The following TMEM132D variants were observed in gnomAD, a reference collection of about 807,000 sequenced individuals.
TMEM132D encodes the protein mature OL transmembrane protein.
TMEM132D carries 21 observed loss-of-function variants against 62.3 expected under a neutral mutation model. That is an observed-to-expected ratio of 0.34 (90% CI 0.24 to 0.49). The LOEUF is 0.49. Among genes scored for constraint, TMEM132D ranks in the 20% least tolerant of loss-of-function variants. The pLI is 0.99. For missense variants in TMEM132D, 1,346 were observed against 1,402.8 expected (o/e 0.96, Z 0.65); for synonymous variants, 621 against 575.6 (o/e 1.08, Z -1.13).
At chr12:129,236,526 A>AAG (rs1272524026) in intron 4 of TMEM132D, among the ~76,000 whole-genome samples, 1 of 147,986 alleles carries the variant, frequency 6.8e-6, no homozygotes, top group Non-Finnish European at 1.5e-5. Context: ...AAAAAAAAAA[A>AAG]AAAAAGAAAA....
At chr12:129,592,071 G>A (rs535361732) in intron 2 of TMEM132D, among the ~76,000 whole-genome samples, 22 of 151,984 alleles carry the variant, frequency 1.4e-4, no homozygotes, top group African/African-American at 5.3e-4. Flanking sequence ...AATCTGATCC[G>A]ATTTCCATTA....
chr12:129,260,641 T>C (rs2135595219), intron 4 of TMEM132D, among the ~76,000 whole-genome samples: 1 of 152,330 alleles, frequency 6.6e-6, no homozygotes, highest in South Asian at 2.1e-4. Flanking sequence ...GTACCCAATA[T>C]GTAGTGTTTG....
chr12:129,298,030 C>T (rs1328050741), intron 4 of TMEM132D, among the ~76,000 whole-genome samples: 5 of 152,088 alleles, frequency 3.3e-5, no homozygotes, highest in South Asian at 2.1e-4. Context: ...GGTGGGGAGA[C>T]ATGGAAACAT....
intron 3 of TMEM132D, among the ~76,000 whole-genome samples, chr12:129,424,659 G>T (rs1419478232): frequency 8.5e-6 from 1 of 118,244 alleles, no homozygotes; most frequent in African/African-American, 3.2e-5. Flanking sequence ...AGTGAGCTGA[G>T]ATCACGCCAC....
chr12:129,707,542 G>A (rs1470142245), intron 1 of TMEM132D, among the ~76,000 whole-genome samples: 1 of 152,064 alleles, frequency 6.6e-6, no homozygotes, highest in African/African-American at 2.4e-5. Context: ...TCTTATTTTT[G>A]TCTGCTTTAT....
At chr12:129,259,901 T>A (rs1291445791) in intron 4 of TMEM132D, among the ~76,000 whole-genome samples, 1 of 152,020 alleles carries the variant, frequency 6.6e-6, no homozygotes, top group African/African-American at 2.4e-5. Flanking sequence ...TTTACTGAGA[T>A]GGGAAAGATG....
At chr12:129,567,419 C>T (rs1194515307) in intron 2 of TMEM132D, among the ~76,000 whole-genome samples, 1 of 152,112 alleles carries the variant, frequency 6.6e-6, no homozygotes, top group Non-Finnish European at 1.5e-5. Flanking sequence ...GAAGCCACCA[C>T]GTGACAAGTT....
intron 2 of TMEM132D, among the ~76,000 whole-genome samples, chr12:129,691,120 G>C (rs116059946): frequency 6.6e-6 from 1 of 151,708 alleles, no homozygotes; most frequent in African/African-American, 2.4e-5. Flanking sequence ...AAAATTTAAA[G>C]TATTTTAAAC....
At chr12:129,132,567 A>G (rs561761829) in intron 5 of TMEM132D, among the ~76,000 whole-genome samples, 3 of 152,298 alleles carry the variant, frequency 2.0e-5, no homozygotes, top group African/African-American at 4.8e-5. Context: ...TTTTAAAGCT[A>G]TAAGTTTGTA....
In TMEM132D at chr12:129,770,140, G is replaced by GTTTTTT. The variant is rs375230592; in HGVS notation, c.80-69443_80-69442insAAAAAA. Among the ~76,000 whole-genome samples the GTTTTTT allele has an allele frequency of 2.7e-3, 278 of 104,262 alleles. 30 individuals carry two copies. Among genetic ancestry groups the GTTTTTT allele is most frequent in the Middle Eastern group, 7.8e-3 (1 of 128 alleles). The allele number at this position is 104,262 out of a possible 152,430, so 68.4% of individuals were successfully genotyped here. A position where few individuals can be genotyped will look rare whatever the true frequency, so the allele number is the denominator to read the frequency against. On this transcript the variant is annotated intron_variant, in intron 1 of 8. Transcript: ENST00000422113. ...ATGAGATTCTTTGTGGGTTTTTTTG[G>GTTTTTT]TTGTTTTTTTTTTTTTTTTTTGAGA...
At chr12:129,457,489 C>A (rs956207489) in intron 3 of TMEM132D, among the ~76,000 whole-genome samples, 1 of 149,894 alleles carries the variant, frequency 6.7e-6, no homozygotes, top group Non-Finnish European at 1.5e-5. Flanking sequence ...ATACCTAATG[C>A]TAAATGACGA....
chr12:129,328,255 C>G (rs1315742719), intron 4 of TMEM132D, among the ~76,000 whole-genome samples: 1 of 152,222 alleles, frequency 6.6e-6, no homozygotes, highest in Non-Finnish European at 1.5e-5. Flanking sequence ...ACACATTTCC[C>G]AGCTGCTTCC....
At chr12:129,453,914 C>T (rs1424698259) in intron 3 of TMEM132D, among the ~76,000 whole-genome samples, 3 of 152,176 alleles carry the variant, frequency 2.0e-5, no homozygotes, top group Non-Finnish European at 4.4e-5. Flanking sequence ...TGCCCTAAAA[C>T]TTGTTTAGTG....
intron 3 of TMEM132D, among the ~76,000 whole-genome samples, chr12:129,454,954 G>T (rs1214407320): frequency 6.6e-6 from 1 of 152,198 alleles, no homozygotes; most frequent in African/African-American, 2.4e-5. Flanking sequence ...CTAATTAACA[G>T]TCAACCCGAA....
chr12:129,740,540 A>T (rs1390966751), intron 1 of TMEM132D, among the ~76,000 whole-genome samples: 1 of 152,206 alleles, frequency 6.6e-6, no homozygotes, highest in Non-Finnish European at 1.5e-5. Context: ...TGGAAATTTT[A>T]ATCATTCAGG....
chr12:129,555,975 A>T (rs1220103981), intron 2 of TMEM132D, among the ~76,000 whole-genome samples: 1 of 152,194 alleles, frequency 6.6e-6, no homozygotes, highest in Non-Finnish European at 1.5e-5. Context: ...CAAATTTGAC[A>T]TTCTTGGGTG....
intron 1 of TMEM132D, among the ~76,000 whole-genome samples, chr12:129,780,279 G>A (rs1305021521): frequency 2.1e-5 from 3 of 143,148 alleles, no homozygotes; most frequent in Non-Finnish European, 4.6e-5. Context: ...GAACAGGTGA[G>A]TAATGTCTGA....
intron 2 of TMEM132D, among the ~76,000 whole-genome samples, chr12:129,670,602 TA>T (rs1880479865): frequency 6.6e-6 from 1 of 152,120 alleles, no homozygotes; most frequent in African/African-American, 2.4e-5. Context: ...AAGTTATCCT[TA>T]AAAACTCTAC....
rs761992274 is a variant in TMEM132D at position 129,073,701 on chromosome 12, C to T, written c.*174G>A. On this transcript the variant is annotated 3_prime_UTR_variant, in exon 9 of 9. Coordinates refer to ENST00000422113, the MANE Select transcript of TMEM132D (RefSeq NM_133448.3). The stretch of plus-strand genomic sequence containing the variant: ...ACACTGTACTCTGGAATGTGTGCGT[C>T]GATGCGGACTCCAGGCCTCGCCGCC... The T allele has an allele frequency of 1.1e-4, 64 of 564,576 alleles. No individual in the cohort carries two copies. Among genetic ancestry groups the T allele is most frequent in the Non-Finnish European group, 1.7e-4 (54 of 324,480 alleles). 35.0% of individuals were successfully genotyped at this position (564,576 alleles called of 1,614,324 possible).
Sources: gnomAD v4.1 joint callset for allele counts (sites outside exome capture counted in the v4.1 genomes callset) on GRCh38, gnomAD v4.1.1 for gene constraint, MANE v1.5 for transcripts, NCBI Gene and HGNC (gene_info 2026-07-23, HGNC 2026-07-21) for gene names.